The following GRIK4 variants were observed in gnomAD, a reference collection of about 807,000 sequenced individuals.
GRIK4 encodes the protein glutamate receptor ionotropic, kainate 4.
A neutral mutation model predicts 104.9 loss-of-function variants in GRIK4; 40 were observed. The observed-to-expected ratio is 0.38, with a 90% CI of 0.30 to 0.50. The LOEUF is 0.50. GRIK4 is among the 20% of genes least tolerant of loss of function. GRIK4 has a pLI of 0.93. For missense variants in GRIK4, 1,047 were observed against 1,308.1 expected, an observed-to-expected ratio of 0.80 and a Z score of 3.08; for synonymous variants, 485 against 524.9, an observed-to-expected ratio of 0.92 and a Z score of 1.04.
intron 13 of GRIK4, among the ~76,000 whole-genome samples, chr11:120,935,023 G>A (rs1943566160): frequency 6.6e-6 from 1 of 152,112 alleles, no homozygotes; most frequent in Non-Finnish European, 1.5e-5. Flanking sequence ...TGACGAGTCT[G>A]GTCATCAGTT....
chr11:120,933,930 C>T (rs1415065869), intron 13 of GRIK4, among the ~76,000 whole-genome samples: 1 of 152,076 alleles, frequency 6.6e-6, no homozygotes, highest in African/African-American at 2.4e-5. Context: ...CATAGCCAGG[C>T]GCGGTGGCTC....
chr11:120,815,402 TG>T lies in GRIK4; in HGVS notation c.274del (p.Val92SerfsTer46). The T allele has an allele frequency of 6.5e-7, 1 of 1,549,974 alleles. No homozygotes were observed. The stretch of plus-strand genomic sequence containing the variant: ...GTGTGTCAGATCCTCCCCAAGGGGG[TG>T]GTCGCTGTCCTCGGACCATCGTCCA... ...ETMCQILPKG[V>X]VAVLGPSSSP... On this transcript the variant is annotated frameshift_variant, in exon 5 of 21. Coordinates refer to ENST00000527524, the MANE Select transcript of GRIK4 (RefSeq NM_014619.5). LOFTEE classifies it high-confidence loss of function.
chr11:120,610,951 C>T (rs1457131079), intron 1 of GRIK4, among the ~76,000 whole-genome samples: 2 of 152,158 alleles, frequency 1.3e-5, no homozygotes, highest in African/African-American at 4.8e-5. Context: ...CACAGAGTCT[C>T]AGAATGTCAG....
At chr11:120,890,112 G>C (rs1955242282) in intron 11 of GRIK4, among the ~76,000 whole-genome samples, 1 of 152,074 alleles carries the variant, frequency 6.6e-6, no homozygotes, top group Non-Finnish European at 1.5e-5. Flanking sequence ...ATATACAATG[G>C]TACCGTTAAA....
intron 3 of GRIK4, among the ~76,000 whole-genome samples, chr11:120,754,719 G>GGTTCTA (rs1951623249): frequency 1.3e-5 from 2 of 152,104 alleles, no homozygotes; most frequent in Non-Finnish European, 2.9e-5. Context: ...AATGTATGAG[G>GGTTCTA]GTTCTAATTT....
At chr11:120,723,279 G>A (rs1280705020) in intron 3 of GRIK4, among the ~76,000 whole-genome samples, 1 of 152,132 alleles carries the variant, frequency 6.6e-6, no homozygotes, top group African/African-American at 2.4e-5. Flanking sequence ...ACACTTGAAG[G>A]TGATTTCCAC....
chr11:120,526,794 A>C (rs1947862348), intron 1 of GRIK4, among the ~76,000 whole-genome samples: 1 of 152,190 alleles, frequency 6.6e-6, no homozygotes, highest in Non-Finnish European at 1.5e-5. Context: ...GGTTGCAGTG[A>C]GCCAAGATTG....
intron 3 of GRIK4, among the ~76,000 whole-genome samples, chr11:120,792,118 C>T (rs1952406348): frequency 6.6e-6 from 1 of 152,128 alleles, no homozygotes; most frequent in Admixed American, 6.5e-5. Flanking sequence ...TGCTCAGCCT[C>T]TGCGTTCAGG....
chr11:120,731,278 G>A (rs988730602), intron 3 of GRIK4, among the ~76,000 whole-genome samples: 4 of 149,968 alleles, frequency 2.7e-5, no homozygotes, highest in African/African-American at 4.9e-5. Flanking sequence ...TTTTAATCAT[G>A]AAAGGATGTT....
intron 3 of GRIK4, among the ~76,000 whole-genome samples, chr11:120,709,961 G>T (rs1282473832): frequency 6.6e-6 from 1 of 152,288 alleles, no homozygotes; most frequent in South Asian, 2.1e-4. Context: ...AGTAGCTAAC[G>T]CAGGCGAGGG....
intron 19 of GRIK4, among the ~76,000 whole-genome samples, chr11:120,976,473 A>T (rs1295439763): frequency 2.0e-5 from 3 of 152,210 alleles, no homozygotes; most frequent in African/African-American, 7.2e-5. Flanking sequence ...GGGGCACATA[A>T]AGTTGCTATT....
chr11:120,898,023 A>G (rs1942633173), intron 11 of GRIK4, among the ~76,000 whole-genome samples: 1 of 152,144 alleles, frequency 6.6e-6, no homozygotes, highest in Non-Finnish European at 1.5e-5. Flanking sequence ...ACAGCTAATA[A>G]ATGAGTCCAT....
At chr11:120,770,061 T>G (rs1468256145) in intron 3 of GRIK4, among the ~76,000 whole-genome samples, 2 of 152,226 alleles carry the variant, frequency 1.3e-5, no homozygotes, top group Non-Finnish European at 1.5e-5. Context: ...CTGCTCCCAC[T>G]TTTGTTGTTA....
rs1953052737 is a variant in GRIK4 at position 120,819,570 on chromosome 11, A to C, written c.346-185A>C. Among the ~76,000 whole-genome samples, 1 of 152,186 alleles carries C rather than the reference A, an allele frequency of 6.6e-6. No individual in the cohort carries two copies. Among genetic ancestry groups the C allele is most frequent in the Non-Finnish European group, 1.5e-5 (1 of 68,036 alleles). On this transcript the variant is annotated intron_variant, in intron 5 of 20. Coordinates refer to ENST00000527524, the MANE Select transcript of GRIK4 (RefSeq NM_014619.5). The surrounding 1 kb of genome is among the most constrained non-coding windows in gnomAD (Gnocchi z 4.3). ...GGGGCTGCTTCTTTGAAGCATCATC[A>C]GGGATGTCATCGCTCGTCTTCCTCC...
intron 2 of GRIK4, among the ~76,000 whole-genome samples, chr11:120,658,894 G>A (rs150492485): frequency 0.074 from 11,233 of 151,668 alleles, 935 homozygotes; most frequent in African/African-American, 0.21. Flanking sequence ...GACTATAGGC[G>A]CCTGCCACCA....
intron 1 of GRIK4, among the ~76,000 whole-genome samples, chr11:120,528,402 A>G (rs111800793): frequency 1.3e-5 from 2 of 152,142 alleles, no homozygotes; most frequent in African/African-American, 4.8e-5. Flanking sequence ...TGAGCCACCA[A>G]GCCCGACCCT....
At chr11:120,608,258 G>A (rs1445396002) in intron 1 of GRIK4, among the ~76,000 whole-genome samples, 2 of 152,226 alleles carry the variant, frequency 1.3e-5, no homozygotes, top group Non-Finnish European at 2.9e-5. Flanking sequence ...TAGAGAATGT[G>A]GGAGGCTTGC....
chr11:120,568,010 T>C (rs149059469), intron 1 of GRIK4, among the ~76,000 whole-genome samples: 1,861 of 152,208 alleles, frequency 0.012, 15 homozygotes, highest in Admixed American at 0.016. Flanking sequence ...AGACCCTGCC[T>C]CTACAAAAAA....
intron 1 of GRIK4, among the ~76,000 whole-genome samples, chr11:120,647,261 T>C (rs372723094): frequency 1.3e-5 from 2 of 152,200 alleles, no homozygotes; most frequent in East Asian, 1.9e-4. Context: ...GATGTTCCAG[T>C]GGAATCAGCC....
Sources: allele counts gnomAD v4.1 joint callset (sites outside exome capture counted in the v4.1 genomes callset), GRCh38; gene constraint gnomAD v4.1.1; non-coding constraint Gnocchi (gnomAD v3.1); transcripts MANE v1.5; gene names NCBI Gene and HGNC (gene_info 2026-07-23, HGNC 2026-07-21).